The following DLGAP2 variants were observed in gnomAD, a reference collection of about 807,000 sequenced individuals.
The protein encoded by DLGAP2 is disks large-associated protein 2.
A neutral mutation model predicts 100.3 loss-of-function variants in DLGAP2; 26 were observed. The observed-to-expected ratio is 0.26, with a 90% CI of 0.19 to 0.36. The LOEUF (loss-of-function observed/expected upper bound fraction) is 0.36. Among genes scored for constraint, DLGAP2 ranks in the 10% least tolerant of loss-of-function variants. The pLI is 1.00. For synonymous variants in DLGAP2, 886 were observed against 630.1 expected (o/e 1.41, Z -6.08); for missense variants, 1,858 against 1,453.2 (o/e 1.28, Z -4.53).
intron 3 of DLGAP2, among the ~76,000 whole-genome samples, chr8:1,433,738 CTTTTTT>C (rs3052055): frequency 1.6e-5 from 2 of 124,216 alleles, no homozygotes; most frequent in African/African-American, 3.1e-5. Context: ...GCAAAACTGG[CTTTTTT>C]TTTTTTTTTT....
At chr8:937,924 G>A (rs185643863) in intron 2 of DLGAP2, among the ~76,000 whole-genome samples, 273 of 152,284 alleles carry the variant, frequency 1.8e-3, no homozygotes, top group Non-Finnish European at 3.0e-3. Flanking sequence ...GACAGGAGGT[G>A]TCCATCCCGG....
At chr8:1,230,441 C>T (rs769667124) in intron 2 of DLGAP2, among the ~76,000 whole-genome samples, 2 of 152,058 alleles carry the variant, frequency 1.3e-5, no homozygotes, top group East Asian at 1.9e-4. Context: ...CTGCCCAAAG[C>T]GATCTACAGA....
intron 2 of DLGAP2, among the ~76,000 whole-genome samples, chr8:1,077,389 C>T (rs887934436): frequency 5.3e-5 from 8 of 152,196 alleles, no homozygotes; most frequent in African/African-American, 1.7e-4. Context: ...GCAGTCCCAT[C>T]ATATCCGTGG....
chr8:1,415,026 G>GAA (rs374531889), intron 3 of DLGAP2, among the ~76,000 whole-genome samples: 1 of 151,906 alleles, frequency 6.6e-6, no homozygotes, highest in Non-Finnish European at 1.5e-5. Flanking sequence ...AAAAAAAGAA[G>GAA]AAAAAAAATC....
chr8:1,053,493 C>T (rs556660190), intron 2 of DLGAP2, among the ~76,000 whole-genome samples: 23 of 152,108 alleles, frequency 1.5e-4, no homozygotes, highest in African/African-American at 4.1e-4. Flanking sequence ...TCGCAGTCTC[C>T]GAGGCCAGGG....
At chr8:1,257,947 C>A (rs939853725) in intron 2 of DLGAP2, among the ~76,000 whole-genome samples, 1 of 152,232 alleles carries the variant, frequency 6.6e-6, no homozygotes, top group African/African-American at 2.4e-5. Context: ...CCCAGGCCTA[C>A]CCGGCCCCCA....
chr8:817,132 C>A (rs1172762926), intron 1 of DLGAP2, among the ~76,000 whole-genome samples: 8 of 109,576 alleles, frequency 7.3e-5, no homozygotes, highest in Non-Finnish European at 7.4e-5. Flanking sequence ...CACAGCGAGA[C>A]TCCGTCTCAA....
chr8:1,078,405 C>A (rs895502218), intron 2 of DLGAP2, among the ~76,000 whole-genome samples: 1 of 152,176 alleles, frequency 6.6e-6, no homozygotes, highest in Non-Finnish European at 1.5e-5. Flanking sequence ...AGTATTGATC[C>A]ATGATTATTG....
intron 3 of DLGAP2, among the ~76,000 whole-genome samples, chr8:1,274,109 A>T (rs1240278530): frequency 3.3e-5 from 5 of 152,094 alleles, no homozygotes; most frequent in Middle Eastern, 3.2e-3. Context: ...CAAGAGTCAG[A>T]TTTTTTTACA....
At chr8:884,805 G>C (rs1454487365) in intron 1 of DLGAP2, among the ~76,000 whole-genome samples, 2 of 152,140 alleles carry the variant, frequency 1.3e-5, no homozygotes, top group Non-Finnish European at 2.9e-5. Flanking sequence ...GTTAATTTTT[G>C]TATAAGGTGT....
chr8:1,105,939 T>A (rs1394569041), intron 2 of DLGAP2, among the ~76,000 whole-genome samples: 6 of 151,042 alleles, frequency 4.0e-5, no homozygotes, highest in Admixed American at 1.3e-4. Flanking sequence ...CTAGGAGTGT[T>A]TTCTATTGAA....
chr8:1,576,956 C>T (rs751148045), intron 6 of DLGAP2, among the ~76,000 whole-genome samples: 86 of 152,154 alleles, frequency 5.7e-4, no homozygotes, highest in Non-Finnish European at 1.1e-3. Flanking sequence ...GAGCCCACAT[C>T]GCCAAGACAA....
intron 3 of DLGAP2, among the ~76,000 whole-genome samples, chr8:1,358,816 C>A (rs1179510631): frequency 1.3e-5 from 2 of 152,162 alleles, no homozygotes; most frequent in East Asian, 3.9e-4. Context: ...GATCAGGCCA[C>A]GTTTGTCATC....
chr8:1,506,279 C>T (rs562531376), intron 4 of DLGAP2, among the ~76,000 whole-genome samples: 37 of 152,276 alleles, frequency 2.4e-4, no homozygotes, highest in African/African-American at 7.2e-4. Flanking sequence ...GTCATTTTAT[C>T]GTCCATACTT....
intron 6 of DLGAP2, among the ~76,000 whole-genome samples, 192 bp from the exon 7 acceptor site, chr8:1,626,548 G>A (rs1368420380): frequency 6.7e-6 from 1 of 149,248 alleles, no homozygotes; most frequent in African/African-American, 2.5e-5. Flanking sequence ...GCCTCTGGGT[G>A]TGGGTTGGAC....
intron 1 of DLGAP2, among the ~76,000 whole-genome samples, chr8:767,591 G>A (rs911089570): frequency 1.3e-5 from 2 of 152,078 alleles, no homozygotes; most frequent in Non-Finnish European, 2.9e-5. Context: ...TCCTGACCTC[G>A]TGATCCACGT....
At chr8:1,370,632 C>T (rs1802215142) in intron 3 of DLGAP2, among the ~76,000 whole-genome samples, 1 of 152,202 alleles carries the variant, frequency 6.6e-6, no homozygotes, top group Admixed American at 6.5e-5. Context: ...GCACGGGGAG[C>T]TGTCACACCC....
At chr8:1,310,210 A>G (rs1800583251) in intron 3 of DLGAP2, among the ~76,000 whole-genome samples, 1 of 152,214 alleles carries the variant, frequency 6.6e-6, no homozygotes, top group South Asian at 2.1e-4. Flanking sequence ...TAAAAGGGAA[A>G]TCAAAACAGT....
intron 2 of DLGAP2, among the ~76,000 whole-genome samples, chr8:1,070,197 C>A (rs918526790): frequency 6.6e-6 from 1 of 152,130 alleles, no homozygotes; most frequent in African/African-American, 2.4e-5. Flanking sequence ...CTCGGCGAGT[C>A]CTTTCTTGCC....
Sources: gnomAD v4.1 joint callset for allele counts (sites outside exome capture counted in the v4.1 genomes callset) on GRCh38, gnomAD v4.1.1 for gene constraint, MANE v1.5 for transcripts, NCBI Gene and HGNC (gene_info 2026-07-23, HGNC 2026-07-21) for gene names.